Variants in FARS2 observed in about 807,000 individuals in gnomAD.
FARS2 encodes the protein phenylalanine--tRNA ligase, mitochondrial.
FARS2 carries 40 observed loss-of-function variants against 46.4 expected under a neutral mutation model. The ratio of observed to expected loss-of-function variants is 0.86; its 90% CI spans 0.67 to 1.12. FARS2 has a LOEUF of 1.12. Ranked by LOEUF, FARS2 falls within the 50% of genes most tolerant of loss-of-function variation. FARS2 has a pLI of 0.00. For missense variants in FARS2, 513 were observed against 567.9 expected (o/e 0.90, Z 0.98); for synonymous variants, 234 against 214.9 (o/e 1.09, Z -0.78).
intron 6 of FARS2, among the ~76,000 whole-genome samples, chr6:5,674,566 A>G (rs1318643678): frequency 2.0e-5 from 3 of 152,178 alleles, no homozygotes; most frequent in Non-Finnish European, 4.4e-5. Context: ...TGCTATTTGT[A>G]TTTTATATCG....
At chr6:5,442,705 C>T (rs560991817) in intron 4 of FARS2, among the ~76,000 whole-genome samples, 1 of 152,202 alleles carries the variant, frequency 6.6e-6, no homozygotes, top group African/African-American at 2.4e-5. Context: ...TGACAGTTTC[C>T]CTTGGCTGGG....
intron 6 of FARS2, among the ~76,000 whole-genome samples, chr6:5,680,408 A>G (rs1284207449): frequency 6.6e-6 from 1 of 152,216 alleles, no homozygotes; most frequent in African/African-American, 2.4e-5. Context: ...CCAGCTAGAA[A>G]AGGATTTCTG....
At chr6:5,557,960 G>C (rs769580065) in intron 5 of FARS2, among the ~76,000 whole-genome samples, 2 of 152,044 alleles carry the variant, frequency 1.3e-5, no homozygotes, top group Non-Finnish European at 2.9e-5. Flanking sequence ...TTGGTCAAAA[G>C]GAAAAGGGCT....
chr6:5,565,313 T>G (rs1296643386), intron 5 of FARS2, among the ~76,000 whole-genome samples: 1 of 152,232 alleles, frequency 6.6e-6, no homozygotes, highest in Non-Finnish European at 1.5e-5. Flanking sequence ...TTTAGTTAAC[T>G]TTTGTTTTGC....
chr6:5,555,110 G>T (rs561015682), intron 5 of FARS2, among the ~76,000 whole-genome samples: 1 of 152,066 alleles, frequency 6.6e-6, no homozygotes, highest in Non-Finnish European at 1.5e-5. Flanking sequence ...TACTGTTCTC[G>T]TGATAGTGAG....
intron 6 of FARS2, among the ~76,000 whole-genome samples, chr6:5,618,037 C>T (rs749360679): frequency 1.3e-5 from 2 of 152,118 alleles, no homozygotes; most frequent in Non-Finnish European, 2.9e-5. Flanking sequence ...AGATTTCTCT[C>T]GTAACTACTC....
rs533874092 is a variant in FARS2 at position 5,756,632 on chromosome 6, C to G, written c.1218-14659C>G. 2.6e-5 allele frequency among the ~76,000 whole-genome samples: 4 copies of G among 152,294 alleles called. No homozygotes were observed. The South Asian group carries it at 8.3e-4, about 32-fold the overall frequency. On this transcript the variant is annotated intron_variant, in intron 6 of 6. Transcript: ENST00000274680. The stretch of plus-strand genomic sequence containing the variant: ...ATCACTTCCCACCAGATCCCTCCCC[C>G]AACACTGGGGCATTACAATTCAACA...
chr6:5,397,676 T>C (rs192630455), intron 2 of FARS2, among the ~76,000 whole-genome samples: 153 of 152,322 alleles, frequency 1.0e-3, no homozygotes, highest in Non-Finnish European at 1.5e-3. Context: ...ACATGTAAAA[T>C]TGAAAAATGT....
intron 6 of FARS2, among the ~76,000 whole-genome samples, chr6:5,678,610 C>A (rs1346518919): frequency 6.6e-6 from 1 of 152,164 alleles, no homozygotes; most frequent in East Asian, 1.9e-4. Flanking sequence ...CCTCATTTCA[C>A]ACATAGCCAT....
intron 4 of FARS2, among the ~76,000 whole-genome samples, chr6:5,519,493 T>C (rs972039572): frequency 6.6e-6 from 1 of 151,578 alleles, no homozygotes; most frequent in Non-Finnish European, 1.5e-5. Context: ...GATAGGAGGG[T>C]TTTAAACATG....
chr6:5,275,636 G>T (rs1297471274), intron 1 of FARS2, among the ~76,000 whole-genome samples: 4 of 152,082 alleles, frequency 2.6e-5, no homozygotes, highest in Non-Finnish European at 4.4e-5. Flanking sequence ...TCACCACCAA[G>T]AATATTAGGT....
At chr6:5,451,955 A>T (rs1764519808) in intron 4 of FARS2, 1 of 152,330 alleles carries the variant, frequency 6.6e-6, no homozygotes, top group Middle Eastern at 3.4e-3. Context: ...ACATATCATC[A>T]CCATGTCTTT....
At chr6:5,704,192 C>A (rs1180722036) in intron 6 of FARS2, among the ~76,000 whole-genome samples, 1 of 152,212 alleles carries the variant, frequency 6.6e-6, no homozygotes, top group Non-Finnish European at 1.5e-5. Context: ...AGGCCAAGGT[C>A]AAGGCACCAG....
intron 6 of FARS2, among the ~76,000 whole-genome samples, chr6:5,738,833 G>A (rs989148562): frequency 6.6e-6 from 1 of 152,008 alleles, no homozygotes; most frequent in Non-Finnish European, 1.5e-5. Flanking sequence ...AAAGAGTTGC[G>A]TGTGTATCGT....
intron 6 of FARS2, among the ~76,000 whole-genome samples, chr6:5,670,552 C>T (rs9504486): frequency 0.92 from 139,530 of 152,202 alleles, 64,392 homozygotes; most frequent in East Asian, 1. Flanking sequence ...TGATTCAGAG[C>T]AAATGAAATG....
Position 5,765,586 on chromosome 6 carries a change from T to C in FARS2, c.1218-5705T>C, listed in dbSNP as rs1218860593. ...CACTGTACTAGACAAACAGCGCGTG[T>C]CAGTGTTCTCGGGGAGGTGGGAGAA... On this transcript the variant is annotated intron_variant, in intron 6 of 6. Transcript: ENST00000274680. The surrounding 1 kb of genome is among the most constrained non-coding windows in gnomAD (Gnocchi z 4.0). Among the ~76,000 whole-genome samples, 1 of 152,108 alleles carries C rather than the reference T, an allele frequency of 6.6e-6. No individual in the cohort carries two copies. The highest frequency in any genetic ancestry group is 2.4e-5 in the African/African-American group (1 of 41,418).
chr6:5,643,078 A>G (rs1350819692), intron 6 of FARS2, among the ~76,000 whole-genome samples: 2 of 152,220 alleles, frequency 1.3e-5, no homozygotes, highest in Non-Finnish European at 2.9e-5. Flanking sequence ...TTGATTAGTA[A>G]TTTATTTTAA....
intron 6 of FARS2, among the ~76,000 whole-genome samples, chr6:5,665,842 C>A (rs987052420): frequency 6.6e-6 from 1 of 152,218 alleles, no homozygotes; most frequent in African/African-American, 2.4e-5. Context: ...TTACTACCAA[C>A]TACTGGGCAG....
At chr6:5,503,780 A>G (rs1469171679) in intron 4 of FARS2, among the ~76,000 whole-genome samples, 1 of 152,210 alleles carries the variant, frequency 6.6e-6, no homozygotes, top group East Asian at 1.9e-4. Flanking sequence ...TTAAATACAA[A>G]AACACACCTC....
Sources: gnomAD v4.1 joint callset for allele counts (sites outside exome capture counted in the v4.1 genomes callset) on GRCh38, gnomAD v4.1.1 for gene constraint, Gnocchi (gnomAD v3.1) non-coding constraint, MANE v1.5 for transcripts, NCBI Gene and HGNC (gene_info 2026-07-23, HGNC 2026-07-21) for gene names.